The following PPP2R2B variants were observed in gnomAD, a reference collection of about 807,000 sequenced individuals.
PPP2R2B encodes the protein protein phosphatase 2 regulatory subunit Bbeta.
Under a neutral mutation model 46.0 loss-of-function variants are expected in PPP2R2B, and 5 were observed. The ratio of observed to expected loss-of-function variants is 0.11; its 90% CI spans 0.06 to 0.23. The LOEUF (loss-of-function observed/expected upper bound fraction) is 0.23, where lower values mean the gene tolerates loss of function less well. PPP2R2B is among the 10% of genes least tolerant of loss of function. PPP2R2B has a pLI of 1.00. For synonymous variants in PPP2R2B, 215 were observed against 206.7 expected (o/e 1.04, Z -0.34); for missense variants, 367 against 575.0 (o/e 0.64, Z 3.70).
At chr5:146,950,194 T>C (rs1013886947) in intron 1 of PPP2R2B, among the ~76,000 whole-genome samples, 11 of 152,072 alleles carry the variant, frequency 7.2e-5, no homozygotes, top group Admixed American at 6.6e-4. Flanking sequence ...GTGATTATTA[T>C]GCATTGTATG....
At chr5:146,678,134 A>C (rs1000355308) in intron 5 of PPP2R2B, among the ~76,000 whole-genome samples, 1 of 152,156 alleles carries the variant, frequency 6.6e-6, no homozygotes, top group African/African-American at 2.4e-5. Flanking sequence ...ATTGATGCAA[A>C]AATCCTCAAT....
At chr5:146,822,088 C>T (rs983738130) in intron 2 of PPP2R2B, among the ~76,000 whole-genome samples, 2 of 152,128 alleles carry the variant, frequency 1.3e-5, no homozygotes, top group African/African-American at 4.8e-5. Context: ...TATAGCTGTC[C>T]AATCCTTTGT....
chr5:146,697,980 A>G lies in PPP2R2B; in HGVS notation c.333T>C (p.Asn111=). 1 of 1,608,718 alleles carries G rather than the reference A, an allele frequency of 6.2e-7. No individual in the cohort carries two copies. The highest frequency in any genetic ancestry group is 8.5e-7 in the Non-Finnish European group (1 of 1,177,976). ...QNAAYFLLST[N]DKTVKLWKVS... ...ATACCAAACAGGAATTCCACCTACCATTAGTAGACAGAAGAAAGTAAGCTG... is the reference window on the plus strand; with the variant it reads ...ATACCAAACAGGAATTCCACCTACCGTTAGTAGACAGAAGAAAGTAAGCTG... The change falls in exon 4 of 10, where the codon AAT becomes AAC. Residue 111 remains asparagine, a splice_region_variant and synonymous_variant. Coordinates refer to ENST00000394411, the MANE Select transcript of PPP2R2B (RefSeq NM_181675.4).
chr5:147,047,211 G>A (rs1029594340), intron 1 of PPP2R2B, among the ~76,000 whole-genome samples: 87 of 152,020 alleles, frequency 5.7e-4, no homozygotes, highest in African/African-American at 2.0e-3. Flanking sequence ...AGCTGGATAG[G>A]AGGGATAAGT....
At chr5:146,996,559 C>T (rs1306096706) in intron 1 of PPP2R2B, among the ~76,000 whole-genome samples, 4 of 152,082 alleles carry the variant, frequency 2.6e-5, no homozygotes, top group Non-Finnish European at 5.9e-5. Flanking sequence ...ATGGTTTGCC[C>T]ATAGAGAATT....
intron 1 of PPP2R2B, among the ~76,000 whole-genome samples, chr5:147,033,184 G>A (rs769272693): frequency 6.6e-6 from 1 of 152,200 alleles, no homozygotes; most frequent in African/African-American, 2.4e-5. Context: ...TACTGACCAG[G>A]AAGTCAGGCC....
At chr5:147,052,304 A>G (rs1291409427) in intron 1 of PPP2R2B, among the ~76,000 whole-genome samples, 1 of 152,132 alleles carries the variant, frequency 6.6e-6, no homozygotes, top group Non-Finnish European at 1.5e-5. Flanking sequence ...CAGCCTTGGT[A>G]TTTGTCATCT....
In PPP2R2B at chr5:146,769,982, G is replaced by T. The variant is rs191373356; in HGVS notation, c.71-68840C>A. ...ACACAGATTTATCAAAACGATGTTTGTCAGCATTATTTATACTAGCAAAAA... is the reference window on the plus strand; with the variant it reads ...ACACAGATTTATCAAAACGATGTTTTTCAGCATTATTTATACTAGCAAAAA... On this transcript the variant is annotated intron_variant, in intron 2 of 9. Coordinates refer to ENST00000394411, the MANE Select transcript of PPP2R2B (RefSeq NM_181675.4). 2.1e-3 allele frequency among the ~76,000 whole-genome samples: 327 copies of T among 152,164 alleles called. 1 individual carries two copies. Among genetic ancestry groups the T allele is most frequent in the African/African-American group, 7.3e-3 (302 of 41,530 alleles).
intron 1 of PPP2R2B, among the ~76,000 whole-genome samples, chr5:147,043,497 C>T (rs1354714019): frequency 6.6e-6 from 1 of 152,058 alleles, no homozygotes; most frequent in African/African-American, 2.4e-5. Context: ...GGACCTGGAT[C>T]TGATACTTTC....
chr5:146,964,974 A>G (rs571225165), intron 1 of PPP2R2B, among the ~76,000 whole-genome samples: 45 of 152,094 alleles, frequency 3.0e-4, no homozygotes, highest in Non-Finnish European at 5.1e-4. Flanking sequence ...ATAATATACC[A>G]TTTGTCTCTA....
chr5:146,922,210 C>T (rs1396619375), intron 1 of PPP2R2B: 2 of 152,138 alleles, frequency 1.3e-5, no homozygotes, highest in Admixed American at 1.3e-4. Context: ...CTTCTGCATC[C>T]CCTTGGTGGT....
intron 2 of PPP2R2B, among the ~76,000 whole-genome samples, chr5:146,806,356 C>T (rs1757177654): frequency 6.6e-6 from 1 of 152,134 alleles, no homozygotes; most frequent in African/African-American, 2.4e-5. Context: ...CTAATAAGAG[C>T]TGTCATTAAT....
intron 1 of PPP2R2B, among the ~76,000 whole-genome samples, chr5:147,046,116 T>C (rs1756531672): frequency 6.6e-6 from 1 of 152,166 alleles, no homozygotes; most frequent in Admixed American, 6.5e-5. Flanking sequence ...TTTTACTACC[T>C]GTGAACCCAT....
At chr5:146,812,122 G>A (rs371745070) in intron 2 of PPP2R2B, among the ~76,000 whole-genome samples, 32 of 152,062 alleles carry the variant, frequency 2.1e-4, no homozygotes, top group East Asian at 1.4e-3. Flanking sequence ...GTTCTGTGAC[G>A]TGTGGAAGTT....
chr5:146,790,070 C>T (rs1480039026), intron 2 of PPP2R2B, among the ~76,000 whole-genome samples: 3 of 152,198 alleles, frequency 2.0e-5, no homozygotes, highest in Admixed American at 6.5e-5. Context: ...AAACACTAGC[C>T]CTCCAGGGGG....
Position 146,697,975 on chromosome 5 carries a change from C to T in PPP2R2B, c.334+4G>A. On this transcript the variant is annotated splice_donor_region_variant and intron_variant, in intron 4 of 9. Transcript: ENST00000394411. ...TGAAAATACCAAACAGGAATTCCAC[C>T]TACCATTAGTAGACAGAAGAAAGTA... The T allele has an allele frequency of 3.7e-6, 6 of 1,605,214 alleles. No homozygotes were observed. The South Asian group carries it at 5.6e-5, about 15-fold the overall frequency.
At position 146,584,529 on chromosome 5, in the gene PPP2R2B, T is replaced by G. The variant is rs185545273; in HGVS notation, c.*5418A>C. 6.6e-5 allele frequency: 10 copies of G among 152,330 alleles called. No individual in the cohort carries two copies. In the East Asian group the frequency reaches 1.9e-3, roughly 29 times the overall value. 9.4% of individuals were successfully genotyped at this position (152,330 alleles called of 1,614,324 possible). Reference sequence around the variant, plus strand: ...TATAGGATCTGGAACAGGATAGATCTAGATAAAACTTCCTGCTACGTCATC... The same window carrying G: ...TATAGGATCTGGAACAGGATAGATCGAGATAAAACTTCCTGCTACGTCATC... On this transcript the variant is annotated 3_prime_UTR_variant, in exon 10 of 10. Transcript: ENST00000394411.
At chr5:147,076,607 T>G (rs1757773901) in intron 2 of PPP2R2B, among the ~76,000 whole-genome samples, 1 of 152,194 alleles carries the variant, frequency 6.6e-6, no homozygotes, top group Admixed American at 6.5e-5. Context: ...AAGGTTTGTC[T>G]TAAAATGGTT....
At chr5:146,860,056 C>T (rs912100897) in intron 2 of PPP2R2B, among the ~76,000 whole-genome samples, 1 of 152,268 alleles carries the variant, frequency 6.6e-6, no homozygotes, top group Middle Eastern at 3.4e-3. Flanking sequence ...AACAATTTTT[C>T]TAGTGATTTT....
Sources: gnomAD v4.1 joint callset for allele counts (sites outside exome capture counted in the v4.1 genomes callset) on GRCh38, gnomAD v4.1.1 for gene constraint, MANE v1.5 for transcripts, NCBI Gene and HGNC (gene_info 2026-07-23, HGNC 2026-07-21) for gene names.